ZNF492: variants seen among roughly 807,000 people sequenced by gnomAD.
The protein encoded by ZNF492 is zinc finger protein 492.
In ZNF492, 3 loss-of-function variants were observed where a neutral mutation model predicts 6.4. The ratio of observed to expected loss-of-function variants is 0.47; its 90% CI spans 0.21 to 1.22. The LOEUF (loss-of-function observed/expected upper bound fraction) is 1.22. Ranked by LOEUF, ZNF492 falls within the 50% of genes most tolerant of loss-of-function variation. The pLI is 0.22. For synonymous variants in ZNF492, 112 were observed against 205.3 expected, an observed-to-expected ratio of 0.55 and a Z score of 3.89; for missense variants, 356 against 612.5, an observed-to-expected ratio of 0.58 and a Z score of 4.42.
At chr19:22,652,075 T>C (rs1971945042) in intron 1 of ZNF492, among the ~76,000 whole-genome samples, 1 of 152,102 alleles carries the variant, frequency 6.6e-6, no homozygotes, top group Non-Finnish European at 1.5e-5. Flanking sequence ...TTCATGCACT[T>C]GATGTTAATA....
At chr19:22,660,034 T>C (rs2915936) in intron 3 of ZNF492, among the ~76,000 whole-genome samples, 2,449 of 152,282 alleles carry the variant, frequency 0.016, 30 homozygotes, top group Non-Finnish European at 0.026. Flanking sequence ...TTTTGTAAAA[T>C]ATGATAGTTT....
chr19:22,652,728 C>T (rs1971953551), intron 1 of ZNF492, among the ~76,000 whole-genome samples: 1 of 151,882 alleles, frequency 6.6e-6, no homozygotes, highest in Non-Finnish European at 1.5e-5. Context: ...TACGGGCTCT[C>T]GCCTCCACGC....
intron 3 of ZNF492, among the ~76,000 whole-genome samples, chr19:22,655,647 CTTAT>C (rs35989436): frequency 0.15 from 20,139 of 131,648 alleles, 2,291 homozygotes; most frequent in African/African-American, 0.31. Context: ...CAACTTTTTA[CTTAT>C]TTGTCTTCAA....
At chr19:22,657,162 A>G (rs1421453043) in intron 3 of ZNF492, among the ~76,000 whole-genome samples, 1 of 152,022 alleles carries the variant, frequency 6.6e-6, no homozygotes, top group Non-Finnish European at 1.5e-5. Context: ...GTCTGAAGTG[A>G]ATTAGGTAAT....
intron 1 of ZNF492, among the ~76,000 whole-genome samples, chr19:22,643,235 C>T (rs969108273): frequency 2.6e-5 from 4 of 152,132 alleles, no homozygotes; most frequent in Non-Finnish European, 5.9e-5. Flanking sequence ...CATCTTGTCA[C>T]TGCACTCCAG....
At chr19:22,655,151 A>AGGCGT (rs1194211535) in intron 3 of ZNF492, among the ~76,000 whole-genome samples, 1 of 151,752 alleles carries the variant, frequency 6.6e-6, no homozygotes, top group East Asian at 2.0e-4. Context: ...AAAATTAGTC[A>AGGCGT]GGCGTGGTGA....
chr19:22,639,711 C>CAAAAA (rs34864212), intron 1 of ZNF492, among the ~76,000 whole-genome samples: 11 of 90,530 alleles, frequency 1.2e-4, no homozygotes, highest in African/African-American at 2.9e-4. Context: ...AACTTGGTCT[C>CAAAAA]AAAAAAAAAA....
At chr19:22,641,780 C>T (rs1411253864) in intron 1 of ZNF492, among the ~76,000 whole-genome samples, 2 of 152,048 alleles carry the variant, frequency 1.3e-5, no homozygotes, top group Non-Finnish European at 2.9e-5. Context: ...GTGCCCCCAT[C>T]AATTTATTTA....
intron 1 of ZNF492, among the ~76,000 whole-genome samples, chr19:22,643,874 C>T (rs577241392): frequency 7.9e-5 from 12 of 152,224 alleles, no homozygotes; most frequent in Middle Eastern, 3.4e-3. Flanking sequence ...AAAGGGTAGT[C>T]CTAGAGCCTC....
intron 1 of ZNF492, among the ~76,000 whole-genome samples, chr19:22,645,193 C>A (rs1461183868): frequency 6.6e-6 from 1 of 151,896 alleles, no homozygotes; most frequent in African/African-American, 2.4e-5. Flanking sequence ...ACTACAGATA[C>A]CCACCACCAC....
chr19:22,660,119 G>A (rs1972043638), intron 3 of ZNF492, among the ~76,000 whole-genome samples: 1 of 152,080 alleles, frequency 6.6e-6, no homozygotes, highest in South Asian at 2.1e-4. Context: ...TGCATGAAAT[G>A]TATTCTTCCA....
At chr19:22,656,364 G>A (rs1417348179) in intron 3 of ZNF492, among the ~76,000 whole-genome samples, 4 of 151,404 alleles carry the variant, frequency 2.6e-5, no homozygotes, top group East Asian at 2.0e-4. Flanking sequence ...TAGGGCAGAC[G>A]CTAGGGCAGA....
intron 1 of ZNF492, among the ~76,000 whole-genome samples, chr19:22,639,160 A>G (rs1188094654): frequency 2.0e-5 from 3 of 152,066 alleles, no homozygotes; most frequent in Non-Finnish European, 4.4e-5. Flanking sequence ...TTCTTTATCC[A>G]TGAGCACAAA....
At chr19:22,662,053 T>C (rs1369769390) in intron 3 of ZNF492, among the ~76,000 whole-genome samples, 3 of 152,064 alleles carry the variant, frequency 2.0e-5, no homozygotes, top group Admixed American at 2.0e-4. Flanking sequence ...TAGGTATACA[T>C]GTGCCATGGG....
intron 1 of ZNF492, among the ~76,000 whole-genome samples, chr19:22,637,668 T>C (rs1971782414): frequency 6.6e-6 from 1 of 152,222 alleles, no homozygotes; most frequent in South Asian, 2.1e-4. Context: ...CTTTCATGAA[T>C]GACAGGGACT....
chr19:22,639,514 CA>C (rs1971802816), intron 1 of ZNF492, among the ~76,000 whole-genome samples: 1 of 151,738 alleles, frequency 6.6e-6, no homozygotes, highest in South Asian at 2.1e-4. Flanking sequence ...AGTTCAAGAC[CA>C]GCCTGACCAA....
At chr19:22,658,996 A>G (rs1972026355) in intron 3 of ZNF492, among the ~76,000 whole-genome samples, 1 of 152,066 alleles carries the variant, frequency 6.6e-6, no homozygotes, top group Admixed American at 6.6e-5. Flanking sequence ...TATTGTATGT[A>G]GAGATTCTGT....
At chr19:22,662,750 T>C (rs946229024) in intron 3 of ZNF492, among the ~76,000 whole-genome samples, 1 of 151,704 alleles carries the variant, frequency 6.6e-6, no homozygotes, top group African/African-American at 2.4e-5. Context: ...AAGTGTCTGT[T>C]CACATCCTTT....
intron 1 of ZNF492, among the ~76,000 whole-genome samples, chr19:22,637,110 C>T (rs1441789129): frequency 6.6e-6 from 1 of 151,316 alleles, no homozygotes; most frequent in South Asian, 2.1e-4. Flanking sequence ...CTCTTGCCAC[C>T]ACGCCCGGGT....
Sources: gnomAD v4.1 joint callset for allele counts (sites outside exome capture counted in the v4.1 genomes callset) on GRCh38, gnomAD v4.1.1 for gene constraint, MANE v1.5 for transcripts, NCBI Gene and HGNC (gene_info 2026-07-23, HGNC 2026-07-21) for gene names.